VCL: variants seen among roughly 807,000 people sequenced by gnomAD.
VCL encodes vinculin.
In VCL, 47 loss-of-function variants were observed where a neutral mutation model predicts 125.7. The observed-to-expected ratio is 0.37, with a 90% CI of 0.30 to 0.48. The LOEUF is 0.48. Among genes scored for constraint, VCL ranks in the 20% least tolerant of loss-of-function variants. VCL has a pLI of 0.99. For synonymous variants in VCL, 458 were observed against 514.6 expected (o/e 0.89, Z 1.49); for missense variants, 1,069 against 1,455.5 (o/e 0.73, Z 4.32).
At chr10:74,027,260 G>A (rs1178933244) in intron 1 of VCL, among the ~76,000 whole-genome samples, 1 of 151,196 alleles carries the variant, frequency 6.6e-6, no homozygotes, top group Non-Finnish European at 1.5e-5. Flanking sequence ...AGGTGGTAGC[G>A]TTGACCTAAT....
At position 74,100,953 on chromosome 10, in the gene VCL, T is replaced by TGAG; in HGVS notation, c.1880_1881insGGA (p.Phe626_Asp627insGlu). 1 of 1,614,006 alleles carries TGAG rather than the reference T, an allele frequency of 6.2e-7. No individual in the cohort carries two copies. Among genetic ancestry groups the TGAG allele is most frequent in the African/African-American group, 1.3e-5 (1 of 75,004 alleles). On this transcript the variant is annotated inframe_insertion, in exon 14 of 22. Coordinates refer to ENST00000211998, the MANE Select transcript of VCL (RefSeq NM_014000.3). The stretch of plus-strand genomic sequence containing the variant: ...ATATCTGTTTTTTCCTCAAGGTATT[T>TGAG]GATGAGAGGGCAGCTAACTTTGAAA...
intron 2 of VCL, among the ~76,000 whole-genome samples, chr10:74,066,891 C>T (rs1023049594): frequency 6.6e-6 from 1 of 152,126 alleles, no homozygotes; most frequent in Non-Finnish European, 1.5e-5. Context: ...AGGCTGGTTT[C>T]GAACTCCTGA....
chr10:74,024,349 G>T (rs992790147), intron 1 of VCL, among the ~76,000 whole-genome samples: 2 of 152,152 alleles, frequency 1.3e-5, no homozygotes, highest in Non-Finnish European at 2.9e-5. Context: ...AGTGGCTCAT[G>T]CCTGTAATCC....
intron 19 of VCL, among the ~76,000 whole-genome samples, chr10:74,113,805 G>C (rs1412629518): frequency 6.6e-6 from 1 of 152,144 alleles, no homozygotes; most frequent in Admixed American, 6.5e-5. Context: ...CCTGTCCCCA[G>C]TTTATTGATA....
intron 6 of VCL, chr10:74,077,194 GA>G (rs1295687871): frequency 5.2e-5 from 8 of 152,766 alleles, no homozygotes; most frequent in African/African-American, 1.9e-4. Flanking sequence ...GATGACATCA[GA>G]ATGAACAAGA....
Position 73,998,154 on chromosome 10 carries a change from C to T in VCL, c.-54C>T, listed in dbSNP as rs1840149994. ...TCTGTCTCTTCGCCGGTTCCCGGCCCCGTGGATCCTACTTCTCTGTCGCCC... is the reference window on the plus strand; with the variant it reads ...TCTGTCTCTTCGCCGGTTCCCGGCCTCGTGGATCCTACTTCTCTGTCGCCC... On this transcript the variant is annotated 5_prime_UTR_variant, in exon 1 of 22. Transcript: ENST00000211998. 6.3e-7 allele frequency: 1 copy of T among 1,591,882 alleles called. No individual in the cohort carries two copies.
At chr10:74,064,082 A>G (rs1219685469) in intron 2 of VCL, among the ~76,000 whole-genome samples, 1 of 152,172 alleles carries the variant, frequency 6.6e-6, no homozygotes, top group Non-Finnish European at 1.5e-5. Flanking sequence ...TGACTTTACT[A>G]CAAAGTTGGG....
chr10:74,061,243 A>T (rs1009063502), intron 2 of VCL, among the ~76,000 whole-genome samples: 5 of 152,156 alleles, frequency 3.3e-5, no homozygotes, highest in African/African-American at 1.2e-4. Flanking sequence ...CCTGTTTCTG[A>T]CTGCTGGTTA....
In VCL at chr10:74,111,973, C is replaced by T; in HGVS notation, c.2810C>T (p.Ala937Val). ...VVAEADAADAAGFPVPPDMED... is the reference protein window; with the variant it reads ...VVAEADAADAVGFPVPPDMED... ...GCTGAGGCAGATGCGGCCGATGCTG[C>T]TGGCTTCCCTGTCCCCCCTGACATG... The change falls in exon 19 of 22, where the codon GCT becomes GTT. Residue 937 changes from alanine to valine, a missense_variant. Transcript: ENST00000211998. The T allele has an allele frequency of 6.2e-7, 1 of 1,614,182 alleles. No individual in the cohort carries two copies.
At chr10:74,068,113 A>G (rs1422615615) in intron 2 of VCL, among the ~76,000 whole-genome samples, 1 of 152,240 alleles carries the variant, frequency 6.6e-6, no homozygotes, top group East Asian at 1.9e-4. Context: ...GCAGATTGCA[A>G]TATGGCAACA....
chr10:74,103,753 T>C (rs911192039), intron 14 of VCL, 67 bp from the exon 15 acceptor site: 22 of 1,466,876 alleles, frequency 1.5e-5, no homozygotes, highest in South Asian at 1.1e-5. Flanking sequence ...AGGAGAAAGC[T>C]TGGCTGAAGG....
chr10:74,082,357 T>A (rs2136280171), intron 6 of VCL, 97 bp from the exon 7 acceptor site: 1 of 1,297,366 alleles, frequency 7.7e-7, no homozygotes, highest in East Asian at 2.4e-5. Flanking sequence ...CTACCTTAGC[T>A]ATGTATGTTA....
chr10:74,087,424 C>T lies in VCL; in HGVS notation c.1023-1772C>T, dbSNP rs183082449. Among the ~76,000 whole-genome samples, 488 of 146,486 alleles carry T rather than the reference C, an allele frequency of 3.3e-3. 1 individual carries two copies. Among genetic ancestry groups the T allele is most frequent in the Non-Finnish European group, 5.0e-3 (333 of 66,918 alleles). The stretch of plus-strand genomic sequence containing the variant: ...GCAGTGGCGTGATCTCGGCTCACTG[C>T]AAGCTCTGCCTCCCGGGTTCACACC... On this transcript the variant is annotated intron_variant, in intron 8 of 21. Coordinates refer to ENST00000211998, the MANE Select transcript of VCL (RefSeq NM_014000.3).
At chr10:74,003,757 T>C (rs1427472491) in intron 1 of VCL, among the ~76,000 whole-genome samples, 2 of 152,220 alleles carry the variant, frequency 1.3e-5, no homozygotes, top group Non-Finnish European at 2.9e-5. Context: ...AGTCGCTCTG[T>C]CGCCCAGGCT....
intron 6 of VCL, among the ~76,000 whole-genome samples, chr10:74,078,992 CT>C (rs1475988169): frequency 6.6e-6 from 1 of 152,054 alleles, no homozygotes; most frequent in African/African-American, 2.4e-5. Flanking sequence ...CAGGACTTTA[CT>C]TTTTTAACCG....
intron 1 of VCL, among the ~76,000 whole-genome samples, chr10:74,022,458 A>T (rs1264914438): frequency 6.6e-6 from 1 of 151,858 alleles, no homozygotes; most frequent in Non-Finnish European, 1.5e-5. Flanking sequence ...AGGCAGGAGA[A>T]TTGCTTGAAC....
intron 8 of VCL, among the ~76,000 whole-genome samples, chr10:74,087,615 C>A (rs1162981845): frequency 6.7e-6 from 1 of 149,332 alleles, no homozygotes; most frequent in African/African-American, 2.5e-5. Context: ...CCACCTTGGC[C>A]TCCCAAAGTG....
intron 6 of VCL, chr10:74,075,352 A>G (rs1049649290): frequency 6.0e-6 from 1 of 165,734 alleles, no homozygotes. Context: ...AACTCTTGGC[A>G]TTTCTAGATG....
chr10:74,021,478 T>C (rs1840666146), intron 1 of VCL, among the ~76,000 whole-genome samples: 1 of 152,182 alleles, frequency 6.6e-6, no homozygotes, highest in Admixed American at 6.5e-5. Flanking sequence ...CAATGATATA[T>C]CTATGTAAGC....
Sources: gnomAD v4.1 joint callset for allele counts (sites outside exome capture counted in the v4.1 genomes callset) on GRCh38, gnomAD v4.1.1 for gene constraint, MANE v1.5 for transcripts, NCBI Gene and HGNC (gene_info 2026-07-23, HGNC 2026-07-21) for gene names.